RALGPS2: variants seen among roughly 807,000 people sequenced by gnomAD.
The protein encoded by RALGPS2 is Ral GEF with PH domain and SH3 binding motif 2.
RALGPS2 carries 43 observed loss-of-function variants against 86.8 expected under a neutral mutation model. That is an observed-to-expected ratio of 0.50 (90% confidence interval 0.39 to 0.64). RALGPS2 has a LOEUF of 0.64. Ranked by LOEUF, RALGPS2 falls within the 30% of genes least tolerant of loss-of-function variation. The pLI, the probability that RALGPS2 is intolerant of heterozygous loss-of-function variation, is 0.00. For synonymous variants in RALGPS2, 243 were observed against 231.3 expected, an observed-to-expected ratio of 1.05 and a Z score of -0.46; for missense variants, 536 against 694.6, an observed-to-expected ratio of 0.77 and a Z score of 2.57.
intron 7 of RALGPS2, among the ~76,000 whole-genome samples, chr1:178,826,766 A>G (rs144031044): frequency 6.6e-6 from 1 of 152,344 alleles, no homozygotes; most frequent in East Asian, 1.9e-4. Context: ...GTTATATTTG[A>G]AACAAGTATT....
chr1:178,869,113 C>G (rs990053149), intron 8 of RALGPS2: 1 of 151,922 alleles, frequency 6.6e-6, no homozygotes, highest in Non-Finnish European at 1.5e-5. Context: ...AGAATACTTA[C>G]GTTTAAATTT....
At chr1:178,786,198 T>G (rs1434496490) in intron 4 of RALGPS2, among the ~76,000 whole-genome samples, 1 of 152,006 alleles carries the variant, frequency 6.6e-6, no homozygotes, top group Non-Finnish European at 1.5e-5. Flanking sequence ...AGTAGACCCA[T>G]GTGTTGTTTA....
chr1:178,858,620 C>T (rs1249310759), intron 8 of RALGPS2, among the ~76,000 whole-genome samples: 1 of 152,116 alleles, frequency 6.6e-6, no homozygotes, highest in Non-Finnish European at 1.5e-5. Flanking sequence ...CTCTCTGTTC[C>T]TCAATTTATG....
chr1:178,857,705 C>T (rs552415765), intron 8 of RALGPS2, among the ~76,000 whole-genome samples: 209 of 152,182 alleles, frequency 1.4e-3, no homozygotes, highest in South Asian at 3.3e-3. Context: ...ATATCATTTT[C>T]GTAAATGTTT....
In RALGPS2 at chr1:178,784,460, T is replaced by C. The variant is rs1434686379; in HGVS notation, c.100T>C (p.Leu34=). 7 of 1,607,324 alleles carry C rather than the reference T, an allele frequency of 4.4e-6. No individual in the cohort carries two copies. The highest frequency in any genetic ancestry group is 5.1e-6 in the Non-Finnish European group (6 of 1,175,572). ...ATCCTTAAGTGACAAAGGCTCTGAATTGAAGAAAAGCTTTGATGCTGTGGT... is the reference window on the plus strand; with the variant it reads ...ATCCTTAAGTGACAAAGGCTCTGAACTGAAGAAAAGCTTTGATGCTGTGGT... The part of the protein sequence containing the change: ...SESLSDKGSE[L]KKSFDAVVFD... Residue 34 remains leucine (L), a synonymous_variant, in exon 3 of 20, where the codon TTG becomes CTG. Coordinates refer to ENST00000367635, the MANE Select transcript of RALGPS2 (RefSeq NM_152663.5).
At chr1:178,853,205 T>G (rs1572403311) in intron 8 of RALGPS2, 1 of 985,352 alleles carries the variant, frequency 1.0e-6, no homozygotes, top group Non-Finnish European at 1.2e-6. Flanking sequence ...AATAAGACAA[T>G]GCAAATGAGA....
intron 4 of RALGPS2, among the ~76,000 whole-genome samples, chr1:178,807,512 T>G (rs1558128368): frequency 6.6e-6 from 1 of 152,176 alleles, no homozygotes; most frequent in Non-Finnish European, 1.5e-5. Flanking sequence ...CTAAAAGGAC[T>G]GTCTTATTTC....
At chr1:178,772,870 C>T (rs918602824) in intron 1 of RALGPS2, among the ~76,000 whole-genome samples, 14 of 152,260 alleles carry the variant, frequency 9.2e-5, no homozygotes, top group Admixed American at 5.9e-4. Flanking sequence ...GGTGCAATCT[C>T]GGCTCACTGC....
intron 8 of RALGPS2, among the ~76,000 whole-genome samples, chr1:178,874,805 A>G (rs1658927108): frequency 6.6e-6 from 1 of 152,072 alleles, no homozygotes; most frequent in African/African-American, 2.4e-5. Flanking sequence ...ATTTTTTCTT[A>G]GGGCAGGAGT....
intron 1 of RALGPS2, among the ~76,000 whole-genome samples, chr1:178,759,270 G>A (rs1652110675): frequency 6.6e-6 from 1 of 152,080 alleles, no homozygotes; most frequent in East Asian, 1.9e-4. Context: ...TAGGGGTCTA[G>A]TTCCATTCTT....
chr1:178,860,267 G>A (rs1042645589), intron 8 of RALGPS2, among the ~76,000 whole-genome samples: 4 of 150,518 alleles, frequency 2.7e-5, no homozygotes, highest in African/African-American at 9.7e-5. Context: ...CAGCTTGTCA[G>A]GTGTATTATT....
intron 4 of RALGPS2, among the ~76,000 whole-genome samples, chr1:178,805,559 T>G (rs1296664995): frequency 6.8e-6 from 1 of 146,310 alleles, no homozygotes; most frequent in Non-Finnish European, 1.5e-5. Flanking sequence ...TGCTTGTTTT[T>G]CTCAGGTTTG....
chr1:178,892,073 G>A (rs191448530), intron 14 of RALGPS2, among the ~76,000 whole-genome samples, 157 bp from the exon 15 acceptor site: 1 of 152,022 alleles, frequency 6.6e-6, no homozygotes, highest in Admixed American at 6.6e-5. Context: ...TATGCTGCAT[G>A]CTTTAAAAAA....
Position 178,754,789 on chromosome 1 carries a change from TTTTG to T in RALGPS2, c.-83-21876_-83-21873del, listed in dbSNP as rs570366787. ...TATACCTTCTACTAAATTTACCAGT[TTTTG>T]TTTGTTTGTTTGTTTGATTGTTTTG... On this transcript the variant is annotated intron_variant, in intron 1 of 19. Transcript: ENST00000367635. 1.1e-4 allele frequency among the ~76,000 whole-genome samples: 17 copies of T among 152,290 alleles called. No individual in the cohort carries two copies. The South Asian group carries it at 2.3e-3, about 20-fold the overall frequency.
At chr1:178,859,806 T>G (rs1382483099) in intron 8 of RALGPS2, among the ~76,000 whole-genome samples, 3 of 65,490 alleles carry the variant, frequency 4.6e-5, no homozygotes, top group Non-Finnish European at 9.2e-5. Context: ...CATGCCATTC[T>G]CCTGCCTCTG....
chr1:178,865,365 A>G, intron 8 of RALGPS2: 1 of 1,614,124 alleles, frequency 6.2e-7, no homozygotes, highest in Non-Finnish European at 8.5e-7. Context: ...ATCTCATGTA[A>G]TAATTGCATA....
At chr1:178,835,392 C>CTTTTT (rs71297889) in intron 8 of RALGPS2, among the ~76,000 whole-genome samples, 48 of 121,974 alleles carry the variant, frequency 3.9e-4, no homozygotes, top group Non-Finnish European at 5.2e-4. Flanking sequence ...TCTTTCTTTT[C>CTTTTT]TTTTTTTTTT....
At chr1:178,784,374 G>A in intron 2 of RALGPS2, 44 bp from the exon 3 acceptor site, 2 of 1,463,378 alleles carry the variant, frequency 1.4e-6, no homozygotes, top group Non-Finnish European at 9.4e-7. Context: ...TCACTTGATT[G>A]TGAGACAGTA....
chr1:178,743,072 A>G (rs1651122923), intron 1 of RALGPS2, among the ~76,000 whole-genome samples: 1 of 152,196 alleles, frequency 6.6e-6, no homozygotes, highest in Non-Finnish European at 1.5e-5. Flanking sequence ...TTTAAAAAAA[A>G]TTAGCCAGAC....
Sources: allele counts gnomAD v4.1 joint callset (sites outside exome capture counted in the v4.1 genomes callset), GRCh38; gene constraint gnomAD v4.1.1; transcripts MANE v1.5; gene names NCBI Gene and HGNC (gene_info 2026-07-23, HGNC 2026-07-21).